LPA: variants seen among roughly 807,000 people sequenced by gnomAD.
The protein encoded by LPA is lipoprotein(a), also known as apolipoprotein(a).
In LPA, 199 loss-of-function variants were observed where a neutral mutation model predicts 197.9. The ratio of observed to expected loss-of-function variants is 1.01; its 90% CI spans 0.90 to 1.13. The LOEUF (loss-of-function observed/expected upper bound fraction) is 1.13. Among genes scored for constraint, LPA ranks in the 50% most tolerant of loss-of-function variants. The pLI is 0.00. For missense variants in LPA, 1,853 were observed against 1,785.8 expected, an observed-to-expected ratio of 1.04 and a Z score of -0.68; for synonymous variants, 715 against 639.5, an observed-to-expected ratio of 1.12 and a Z score of -1.78.
chr6:160,575,496 G>C (rs1477517430), intron 28 of LPA, among the ~76,000 whole-genome samples: 1 of 152,164 alleles, frequency 6.6e-6, no homozygotes, highest in African/African-American at 2.4e-5. Context: ...CCTATGAAGA[G>C]GTTAAGCTTT....
chr6:160,590,257 G>T (rs1183925895), intron 23 of LPA, among the ~76,000 whole-genome samples: 1 of 152,148 alleles, frequency 6.6e-6, no homozygotes, highest in Non-Finnish European at 1.5e-5. Flanking sequence ...TTGGAGGGAC[G>T]GCGGGAAATC....
At chr6:160,559,351 T>C (rs1322699059) in intron 28 of LPA, among the ~76,000 whole-genome samples, 4 of 152,260 alleles carry the variant, frequency 2.6e-5, no homozygotes, top group Non-Finnish European at 4.4e-5. Flanking sequence ...CTATTTAAGA[T>C]ACTCAGTGCT....
intron 28 of LPA, among the ~76,000 whole-genome samples, chr6:160,568,339 CAA>C (rs200776801): frequency 0.04 from 6,111 of 151,942 alleles, 381 homozygotes; most frequent in African/African-American, 0.14. Flanking sequence ...TCAACATATG[CAA>C]ATCAATAAAT....
intron 28 of LPA, among the ~76,000 whole-genome samples, chr6:160,575,929 C>T (rs1333651406): frequency 6.6e-6 from 1 of 152,108 alleles, no homozygotes; most frequent in East Asian, 1.9e-4. Context: ...ATCCCAGCTG[C>T]CTTTGTAATC....
chr6:160,655,786 A>G (rs1206480680), intron 1 of LPA, among the ~76,000 whole-genome samples: 2 of 152,168 alleles, frequency 1.3e-5, no homozygotes, highest in East Asian at 1.9e-4. Flanking sequence ...ACTGTATCCA[A>G]TCATCATAAT....
At chr6:160,555,436 C>CATATATATATATACAT (rs1415528274) in intron 30 of LPA, among the ~76,000 whole-genome samples, 4 of 122,002 alleles carry the variant, frequency 3.3e-5, no homozygotes, top group Non-Finnish European at 6.7e-5. Context: ...TTCCCTAGAA[C>CATATATATATATACAT]ATATATATAT....
chr6:160,591,215 C>T, intron 22 of LPA, 114 bp from the exon 23 acceptor site: 1 of 1,292,042 alleles, frequency 7.7e-7, no homozygotes, highest in Non-Finnish European at 1.1e-6. Context: ...GAAATATTCT[C>T]ACTAAAGGTC....
In LPA at chr6:160,641,064, T is replaced by TA. The variant is rs1230938600; in HGVS notation, c.552-217dup. Among the ~76,000 whole-genome samples the TA allele has an allele frequency of 1.4e-4, 19 of 139,408 alleles. 3 individuals carry two copies. The highest frequency in any genetic ancestry group is 3.0e-4 in the Non-Finnish European group (19 of 64,344). 91.5% of individuals were successfully genotyped at this position (139,408 alleles called of 152,430 possible). A position where few individuals can be genotyped will look rare whatever the true frequency, so the allele number is the denominator to read the frequency against. On this transcript the variant is annotated intron_variant, in intron 4 of 38. Transcript: ENST00000316300. ...AATAGATTATTACTATTTTTTTAAA[T>TA]AAAAAATCTAAAGTAGCAAACGCTT...
chr6:160,599,436 T>A (rs1053844951), intron 20 of LPA, 64 bp downstream of exon 20: 23 of 1,602,014 alleles, frequency 1.4e-5, no homozygotes, highest in Non-Finnish European at 1.9e-5. Flanking sequence ...CCTTGAAGCA[T>A]GACTCTTCTA....
chr6:160,599,187 C>CA (rs1161199227), intron 20 of LPA, among the ~76,000 whole-genome samples: 2 of 152,040 alleles, frequency 1.3e-5, no homozygotes, highest in African/African-American at 4.8e-5. Context: ...ACTAAAAATA[C>CA]AAAAAATTAG....
At position 160,655,300 on chromosome 6, in the gene LPA, C is replaced by T. The variant is rs914071003; in HGVS notation, c.50-4803G>A. Among the ~76,000 whole-genome samples, 5 of 152,184 alleles carry T rather than the reference C, an allele frequency of 3.3e-5. No homozygotes were observed. The South Asian group carries it at 6.2e-4, about 19-fold the overall frequency. ...CTTGCTCCAAAATCCTAGAGGTCTC[C>T]ACTGTGATTCACCTATGGGGGCCTG... On this transcript the variant is annotated intron_variant, in intron 1 of 38. Transcript: ENST00000316300.
At chr6:160,634,495 A>C (rs1380584075) in intron 7 of LPA, among the ~76,000 whole-genome samples, 2 of 135,630 alleles carry the variant, frequency 1.5e-5, no homozygotes, top group Admixed American at 7.2e-5. Context: ...CTGCATCCTG[A>C]ATTGCAGTAA....
intron 33 of LPA, among the ~76,000 whole-genome samples, chr6:160,545,050 A>AT (rs150211198): frequency 8.0e-5 from 12 of 149,600 alleles, no homozygotes; most frequent in South Asian, 2.1e-4. Context: ...TGCTGCTCGT[A>AT]TTTTTTTTTT....
At chr6:160,590,205 C>G (rs1040057630) in intron 23 of LPA, among the ~76,000 whole-genome samples, 1 of 152,178 alleles carries the variant, frequency 6.6e-6, no homozygotes, top group Admixed American at 6.5e-5. Flanking sequence ...GGCAAAGACA[C>G]ATTGTCTCTC....
intron 28 of LPA, among the ~76,000 whole-genome samples, chr6:160,576,647 C>T (rs1562328140): frequency 7.5e-6 from 1 of 134,206 alleles, no homozygotes; most frequent in African/African-American, 2.8e-5. Flanking sequence ...AATATTCAGA[C>T]ATATATATAA....
chr6:160,576,690 G>GTGTATATATATA (rs869225354), intron 28 of LPA, among the ~76,000 whole-genome samples: 13 of 76,654 alleles, frequency 1.7e-4, no homozygotes, highest in South Asian at 8.9e-4. Flanking sequence ...GTGTGTGTGT[G>GTGTATATATATA]TATATATATA....
At chr6:160,557,912 T>A (rs536007776) in intron 28 of LPA, among the ~76,000 whole-genome samples, 2 of 151,826 alleles carry the variant, frequency 1.3e-5, no homozygotes, top group African/African-American at 4.8e-5. Flanking sequence ...TTTTGAAGAG[T>A]GCATTTTAGA....
At chr6:160,590,040 G>T (rs941641412) in intron 23 of LPA, among the ~76,000 whole-genome samples, 9 of 152,364 alleles carry the variant, frequency 5.9e-5, no homozygotes, top group African/African-American at 2.2e-4. Context: ...AGACCAGAGT[G>T]CCATGCATCA....
chr6:160,543,464 C>A (rs1027392396), intron 33 of LPA, among the ~76,000 whole-genome samples: 1 of 152,086 alleles, frequency 6.6e-6, no homozygotes, highest in Non-Finnish European at 1.5e-5. Flanking sequence ...TTATTAATAA[C>A]AACTGCAAGA....
Sources: gnomAD v4.1 joint callset for allele counts (sites outside exome capture counted in the v4.1 genomes callset) on GRCh38, gnomAD v4.1.1 for gene constraint, MANE v1.5 for transcripts, NCBI Gene and HGNC (gene_info 2026-07-23, HGNC 2026-07-21) for gene names.